The following UBXN2A variants were observed in gnomAD, a reference collection of about 807,000 sequenced individuals.
UBXN2A encodes UBX domain protein 2A.
UBXN2A carries 28 observed loss-of-function variants against 28.4 expected under a neutral mutation model. The observed-to-expected ratio is 0.99, with a 90% CI of 0.73 to 1.35. The LOEUF is 1.35. Among genes scored for constraint, UBXN2A ranks in the 40% most tolerant of loss-of-function variants. UBXN2A has a pLI of 0.00. For missense variants in UBXN2A, 253 were observed against 297.9 expected, an observed-to-expected ratio of 0.85 and a Z score of 1.11; for synonymous variants, 97 against 103.6, an observed-to-expected ratio of 0.94 and a Z score of 0.39.
chr2:23,988,013 C>T lies in UBXN2A; in HGVS notation c.584+3182C>T, dbSNP rs543129666. 6.6e-5 allele frequency among the ~76,000 whole-genome samples: 10 copies of T among 151,074 alleles called. No homozygotes were observed. In the South Asian group the frequency reaches 2.1e-3, roughly 31 times the overall value. Reference sequence around the variant, plus strand: ...TGGCGTATGTCTGTAATCTCAGCTACTCAGGAGGCTGAGGCAGGAGAATCA... The same window carrying T: ...TGGCGTATGTCTGTAATCTCAGCTATTCAGGAGGCTGAGGCAGGAGAATCA... On this transcript the variant is annotated intron_variant, in intron 6 of 6. Transcript: ENST00000309033.
At chr2:23,975,079 AT>A (rs1281636119) in intron 3 of UBXN2A, among the ~76,000 whole-genome samples, 5 of 152,184 alleles carry the variant, frequency 3.3e-5, no homozygotes, top group African/African-American at 4.8e-5. Flanking sequence ...ATAAATATAA[AT>A]TTTTTTATAT....
intron 3 of UBXN2A, among the ~76,000 whole-genome samples, chr2:23,975,216 G>T (rs1707604149): frequency 6.6e-6 from 1 of 152,110 alleles, no homozygotes; most frequent in South Asian, 2.1e-4. Context: ...TATACTAAAA[G>T]ACTTTAACGT....
At chr2:23,988,101 T>C (rs1487485188) in intron 6 of UBXN2A, among the ~76,000 whole-genome samples, 1 of 138,424 alleles carries the variant, frequency 7.2e-6, no homozygotes, top group Non-Finnish European at 1.5e-5. Flanking sequence ...CCAGCCAGGG[T>C]GACAGAGTGA....
chr2:23,930,755 A>G (rs1378446487), intron 1 of UBXN2A, among the ~76,000 whole-genome samples: 1 of 152,210 alleles, frequency 6.6e-6, no homozygotes, highest in African/African-American at 2.4e-5. Context: ...GCAGTGGCTC[A>G]TGCCTATAAT....
At chr2:23,964,079 C>A (rs1707054773) in intron 2 of UBXN2A, among the ~76,000 whole-genome samples, 1 of 151,180 alleles carries the variant, frequency 6.6e-6, no homozygotes, top group East Asian at 1.9e-4. Flanking sequence ...CTGCAGTGAA[C>A]CATGATCGTG....
chr2:23,967,634 C>T (rs1466729833), intron 2 of UBXN2A, among the ~76,000 whole-genome samples: 1 of 152,142 alleles, frequency 6.6e-6, no homozygotes, highest in Non-Finnish European at 1.5e-5. Context: ...TAAATGAAGG[C>T]ACTTAAATAC....
rs560303426 is a variant in UBXN2A at position 23,971,008 on chromosome 2, G to A, written c.42-268G>A. On this transcript the variant is annotated intron_variant, in intron 2 of 6. Transcript: ENST00000309033. ...TTTCTGACAGGCCATGGGCTTAGGG[G>A]TTGGGGATCCCAATCTCCAGTGCAC... Among the ~76,000 whole-genome samples, 15 of 152,218 alleles carry A rather than the reference G, an allele frequency of 9.9e-5. No homozygotes were observed. In the South Asian group the frequency reaches 2.9e-3, roughly 29 times the overall value.
intron 5 of UBXN2A, 44 bp from the exon 6 acceptor site, chr2:23,984,629 T>G: frequency 7.2e-7 from 1 of 1,397,376 alleles, no homozygotes; most frequent in Non-Finnish European, 9.3e-7. Flanking sequence ...TAAAGTTTTA[T>G]TGAATGGAAA....
At chr2:23,985,602 G>GTTT (rs34825489) in intron 6 of UBXN2A, among the ~76,000 whole-genome samples, 15,604 of 144,242 alleles carry the variant, frequency 0.11, 943 homozygotes, top group Middle Eastern at 0.21. Flanking sequence ...TGTCTAGACA[G>GTTT]TTTTTTTTTT....
chr2:23,943,836 A>G (rs1015523035), intron 1 of UBXN2A: 1 of 355,510 alleles, frequency 2.8e-6, no homozygotes, highest in Non-Finnish European at 5.5e-6. Flanking sequence ...CGTCCAGACC[A>G]GAACCCAAGA....
chr2:23,939,212 CTG>C (rs1188527080), upstream of UBXN2A, among the ~76,000 whole-genome samples: 1 of 152,098 alleles, frequency 6.6e-6, no homozygotes, highest in Non-Finnish European at 1.5e-5. Context: ...GGAAGAAGGA[CTG>C]TTGCAATTGG....
intron 2 of UBXN2A, among the ~76,000 whole-genome samples, chr2:23,968,173 C>CCTCCTAGTAGCT (rs1707252454): frequency 6.6e-6 from 1 of 152,192 alleles, no homozygotes. Flanking sequence ...CAGTTCCTAG[C>CCTCCTAGTAGCT]ACTGCCTCCT....
At position 23,999,963 on chromosome 2, in the gene UBXN2A, A is replaced by C; in HGVS notation, c.*96A>C. ...GGATTGGAGAAGTCAGACTCACTAG[A>C]CTTTTGGTTCGAGTACTATTGAACT... On this transcript the variant is annotated 3_prime_UTR_variant, in exon 7 of 7. Transcript: ENST00000309033. 7.7e-7 allele frequency: 1 copy of C among 1,301,634 alleles called. No homozygotes were observed. The highest frequency in any genetic ancestry group is 1.1e-6 in the Non-Finnish European group (1 of 938,774). 80.6% of individuals were successfully genotyped at this position (1,301,634 alleles called of 1,614,324 possible).
chr2:23,945,130 A>T (rs1706001168), intron 1 of UBXN2A, among the ~76,000 whole-genome samples: 1 of 152,092 alleles, frequency 6.6e-6, no homozygotes, highest in Non-Finnish European at 1.5e-5. Context: ...TTCAGTATGG[A>T]GCCCTGGAAT....
chr2:23,946,844 A>T (rs1317957114), intron 1 of UBXN2A, among the ~76,000 whole-genome samples: 1 of 145,416 alleles, frequency 6.9e-6, no homozygotes, highest in African/African-American at 2.8e-5. Flanking sequence ...AAGAAATCAG[A>T]CAGTCTCCCA....
At chr2:23,964,765 A>G (rs1416624649) in intron 2 of UBXN2A, among the ~76,000 whole-genome samples, 2 of 152,198 alleles carry the variant, frequency 1.3e-5, no homozygotes, top group Non-Finnish European at 2.9e-5. Flanking sequence ...TGTTCTTACC[A>G]TGATAAAATA....
chr2:23,949,015 A>G (rs1361801124), intron 1 of UBXN2A, among the ~76,000 whole-genome samples: 1 of 140,368 alleles, frequency 7.1e-6, no homozygotes, highest in African/African-American at 2.7e-5. Flanking sequence ...ATCTCCCCTC[A>G]CTGCAACCTC....
chr2:23,962,211 A>G (rs1157815706), intron 2 of UBXN2A, among the ~76,000 whole-genome samples: 4 of 152,186 alleles, frequency 2.6e-5, no homozygotes, highest in Admixed American at 2.6e-4. Context: ...TATGTTTACC[A>G]TATGTGCTAT....
At chr2:23,944,202 C>T in intron 1 of UBXN2A, 2 of 1,526,680 alleles carry the variant, frequency 1.3e-6, no homozygotes, top group South Asian at 1.1e-5. Flanking sequence ...TAAGTTTGCA[C>T]TCGTCTTCCC....
Sources: allele counts gnomAD v4.1 joint callset (sites outside exome capture counted in the v4.1 genomes callset), GRCh38; gene constraint gnomAD v4.1.1; transcripts MANE v1.5; gene names NCBI Gene and HGNC (gene_info 2026-07-23, HGNC 2026-07-21).